Variants in NRG3 observed in about 807,000 individuals in gnomAD.
The protein encoded by NRG3 is pro-neuregulin-3, membrane-bound isoform.
In NRG3, 31 loss-of-function variants were observed where a neutral mutation model predicts 66.9. That is an observed-to-expected ratio of 0.46 (90% CI 0.35 to 0.63). The LOEUF is 0.63. NRG3 is among the 20% of genes least tolerant of loss of function. NRG3 has a pLI of 0.00. For synonymous variants in NRG3, 393 were observed against 359.4 expected (o/e 1.09, Z -1.06); for missense variants, 910 against 878.9 (o/e 1.04, Z -0.45).
At chr10:82,955,219 G>A (rs1849926558) in intron 5 of NRG3, 1 of 151,904 alleles carries the variant, frequency 6.6e-6, no homozygotes, top group African/African-American at 2.4e-5. Flanking sequence ...TTCTGTGTCT[G>A]AGGAAAGATG....
intron 1 of NRG3, among the ~76,000 whole-genome samples, chr10:82,143,907 G>A (rs112570365): frequency 0.011 from 1,720 of 152,004 alleles, 29 homozygotes; most frequent in African/African-American, 0.038. Context: ...GTGCACACCC[G>A]TAGTCCCAGT....
chr10:82,865,537 CATT>C, intron 4 of NRG3, 100 bp downstream of exon 4: 1 of 1,214,358 alleles, frequency 8.2e-7, no homozygotes, highest in Non-Finnish European at 1.2e-6. Flanking sequence ...TGAAATGTCT[CATT>C]ATCAGATGCT....
chr10:82,588,311 G>A (rs2046789504), intron 2 of NRG3, among the ~76,000 whole-genome samples: 1 of 152,142 alleles, frequency 6.6e-6, no homozygotes, highest in Non-Finnish European at 1.5e-5. Flanking sequence ...AGTAGTTCAT[G>A]TGAAATCTGG....
chr10:82,000,149 C>G (rs963969601), intron 1 of NRG3, among the ~76,000 whole-genome samples: 1 of 152,108 alleles, frequency 6.6e-6, no homozygotes, highest in Non-Finnish European at 1.5e-5. Flanking sequence ...TTCATAATTA[C>G]CCTTTGGGAA....
chr10:82,878,107 T>G (rs578126721), intron 4 of NRG3, among the ~76,000 whole-genome samples: 2 of 152,218 alleles, frequency 1.3e-5, no homozygotes, highest in East Asian at 3.9e-4. Flanking sequence ...AAATTATATT[T>G]CTACAGTTAG....
At chr10:82,348,686 C>G (rs1326976894) in intron 1 of NRG3, among the ~76,000 whole-genome samples, 1 of 150,518 alleles carries the variant, frequency 6.6e-6, no homozygotes, top group Non-Finnish European at 1.5e-5. Context: ...TCCATTCTCC[C>G]CATCACTTTC....
intron 1 of NRG3, among the ~76,000 whole-genome samples, chr10:82,070,960 A>G (rs1349596148): frequency 6.6e-6 from 1 of 152,188 alleles, no homozygotes; most frequent in African/African-American, 2.4e-5. Flanking sequence ...GAATACTTGG[A>G]CATGTATGCA....
At chr10:82,489,768 T>A (rs1036688845) in intron 2 of NRG3, among the ~76,000 whole-genome samples, 4 of 152,198 alleles carry the variant, frequency 2.6e-5, no homozygotes, top group Non-Finnish European at 5.9e-5. Context: ...TATTGTATTC[T>A]TATCAAAATC....
chr10:82,561,781 A>G (rs79951634), intron 2 of NRG3, among the ~76,000 whole-genome samples: 5,151 of 152,274 alleles, frequency 0.034, 168 homozygotes, highest in African/African-American at 0.088. Context: ...TCTCATGCAG[A>G]CTTGCATGTG....
At chr10:82,055,672 G>A (rs1185927834) in intron 1 of NRG3, among the ~76,000 whole-genome samples, 1 of 152,050 alleles carries the variant, frequency 6.6e-6, no homozygotes, top group Non-Finnish European at 1.5e-5. Context: ...ATTAGAATAG[G>A]AAGTAGACAC....
intron 1 of NRG3, among the ~76,000 whole-genome samples, chr10:82,308,998 G>A (rs1032897091): frequency 6.6e-6 from 1 of 152,134 alleles, no homozygotes; most frequent in African/African-American, 2.4e-5. Flanking sequence ...TCCCTCAACT[G>A]TTTGGAAGCT....
intron 3 of NRG3, among the ~76,000 whole-genome samples, chr10:82,775,730 G>A (rs1231771889): frequency 1.3e-5 from 2 of 152,022 alleles, no homozygotes; most frequent in Non-Finnish European, 2.9e-5. Flanking sequence ...TTATACTGTT[G>A]AAAGTGAGGT....
intron 3 of NRG3, among the ~76,000 whole-genome samples, chr10:82,816,339 T>G (rs1264579504): frequency 6.6e-6 from 1 of 152,204 alleles, no homozygotes; most frequent in African/African-American, 2.4e-5. Flanking sequence ...AGAACAGCTC[T>G]CAGGAGACCC....
intron 1 of NRG3, among the ~76,000 whole-genome samples, chr10:81,952,034 A>G (rs1849405011): frequency 6.7e-6 from 1 of 148,432 alleles, no homozygotes. Context: ...AAAAAACCAA[A>G]CACCGCATGT....
At position 82,735,227 on chromosome 10, in the gene NRG3, A is replaced by AT. The variant is rs768313630; in HGVS notation, c.954-3343dup. Among the ~76,000 whole-genome samples, 5 of 152,118 alleles carry AT rather than the reference A, an allele frequency of 3.3e-5. No homozygotes were observed. In the South Asian group the frequency reaches 1.0e-3, roughly 32 times the overall value. On this transcript the variant is annotated intron_variant, in intron 2 of 8. Coordinates refer to ENST00000372141, the MANE Select transcript of NRG3 (RefSeq NM_001010848.4). The stretch of plus-strand genomic sequence containing the variant: ...TGTCACTGTGGATAATGATTTTCTC[A>AT]TTTTTTTACACAATGTTTATCAACT...
chr10:82,785,530 T>C (rs1318892510), intron 3 of NRG3, among the ~76,000 whole-genome samples: 1 of 152,074 alleles, frequency 6.6e-6, no homozygotes, highest in Non-Finnish European at 1.5e-5. Context: ...AAATTAGGAA[T>C]AGGGTATTGA....
chr10:82,677,444 C>T (rs1344846238), intron 2 of NRG3, among the ~76,000 whole-genome samples: 1 of 152,092 alleles, frequency 6.6e-6, no homozygotes, highest in Non-Finnish European at 1.5e-5. Context: ...TTGGTACTGA[C>T]ACTTTTACAC....
chr10:82,210,035 ATATT>A (rs1161296652), intron 1 of NRG3, among the ~76,000 whole-genome samples: 1 of 152,200 alleles, frequency 6.6e-6, no homozygotes, highest in Non-Finnish European at 1.5e-5. Context: ...ATCAGCATAT[ATATT>A]ATGTGTTTAT....
intron 3 of NRG3, among the ~76,000 whole-genome samples, chr10:82,755,722 C>T (rs1399038504): frequency 6.6e-6 from 1 of 152,156 alleles, no homozygotes; most frequent in Non-Finnish European, 1.5e-5. Context: ...GATTAATCCA[C>T]ATACAAACAA....
Sources: allele counts gnomAD v4.1 joint callset (sites outside exome capture counted in the v4.1 genomes callset), GRCh38; gene constraint gnomAD v4.1.1; transcripts MANE v1.5; gene names NCBI Gene and HGNC (gene_info 2026-07-23, HGNC 2026-07-21).